The following VTI1A variants were observed in gnomAD, a reference collection of about 807,000 sequenced individuals.
The protein encoded by VTI1A is vesicle transport through interaction with t-SNAREs homolog 1A.
VTI1A carries 22 observed loss-of-function variants against 34.9 expected under a neutral mutation model. The ratio of observed to expected loss-of-function variants is 0.63; its 90% CI spans 0.45 to 0.90. VTI1A has a LOEUF of 0.90. VTI1A is among the 40% of genes least tolerant of loss of function. The pLI is 0.00. For synonymous variants in VTI1A, 87 were observed against 97.3 expected (o/e 0.89, Z 0.62); for missense variants, 268 against 275.6 (o/e 0.97, Z 0.20).
At position 112,518,573 on chromosome 10, in the gene VTI1A, CTCTCTCTCTCTCTCTCTA is replaced by C. The variant is rs1222623181; in HGVS notation, c.265-8512_265-8495del. ...TCTCTCTCTCTCTCTCTCTCTCTCT[CTCTCTCTCTCTCTCTCTA>C]TATATATATATATATATATATGTGT... is the stretch of plus-strand genomic sequence containing the variant. On this transcript the variant is annotated intron_variant, in intron 3 of 7. Coordinates refer to ENST00000393077, the MANE Select transcript of VTI1A (RefSeq NM_145206.4). 4.4e-3 allele frequency among the ~76,000 whole-genome samples: 530 copies of C among 120,368 alleles called. 2 individuals carry two copies. Among genetic ancestry groups the C allele is most frequent in the African/African-American group, 0.015 (479 of 32,086 alleles). The allele number at this position is 120,368 out of a possible 152,430, so 79.0% of individuals were successfully genotyped here. A position where few individuals can be genotyped will look rare whatever the true frequency, so the allele number is the denominator to read the frequency against.
chr10:112,717,027 T>A (rs542102019), intron 7 of VTI1A, among the ~76,000 whole-genome samples: 1 of 152,308 alleles, frequency 6.6e-6, no homozygotes, highest in Admixed American at 6.5e-5. Context: ...GTGCTTGCTA[T>A]GTAAACGCAG....
intron 3 of VTI1A, among the ~76,000 whole-genome samples, chr10:112,505,062 G>A (rs1031517924): frequency 4.0e-5 from 6 of 151,638 alleles, no homozygotes; most frequent in African/African-American, 1.5e-4. Flanking sequence ...AGTTTATTAT[G>A]TCTATTATTT....
At chr10:112,642,737 A>G (rs1460536956) in intron 5 of VTI1A, among the ~76,000 whole-genome samples, 1 of 152,100 alleles carries the variant, frequency 6.6e-6, no homozygotes, top group African/African-American at 2.4e-5. Flanking sequence ...GGAGACAGGC[A>G]TGACCCCAGT....
intron 5 of VTI1A, among the ~76,000 whole-genome samples, chr10:112,603,027 A>G (rs1474582046): frequency 1.3e-5 from 2 of 152,222 alleles, no homozygotes; most frequent in African/African-American, 4.8e-5. Flanking sequence ...TTTGTTGTTA[A>G]TAATACTTTA....
intron 1 of VTI1A, among the ~76,000 whole-genome samples, chr10:112,457,363 A>G (rs942924932): frequency 1.3e-5 from 2 of 152,246 alleles, no homozygotes; most frequent in Non-Finnish European, 2.9e-5. Flanking sequence ...TGCCAAGCTC[A>G]GTATAGTGTA....
At chr10:112,509,656 T>C (rs1379567881) in intron 3 of VTI1A, among the ~76,000 whole-genome samples, 2 of 152,148 alleles carry the variant, frequency 1.3e-5, no homozygotes, top group Non-Finnish European at 2.9e-5. Flanking sequence ...GAAAATTAGA[T>C]GGATGAAGAA....
At chr10:112,751,030 G>A (rs1164222407) in intron 7 of VTI1A, among the ~76,000 whole-genome samples, 1 of 152,164 alleles carries the variant, frequency 6.6e-6, no homozygotes, top group Non-Finnish European at 1.5e-5. Context: ...GTGTATGAAT[G>A]TGTGTTTTGT....
chr10:112,644,117 A>G (rs145942659), intron 5 of VTI1A, among the ~76,000 whole-genome samples: 1 of 152,320 alleles, frequency 6.6e-6, no homozygotes, highest in Non-Finnish European at 1.5e-5. Context: ...CTCTCTGCAA[A>G]GTGCACCTGG....
chr10:112,693,344 C>A (rs539674347), intron 7 of VTI1A, among the ~76,000 whole-genome samples: 1 of 152,174 alleles, frequency 6.6e-6, no homozygotes, highest in African/African-American at 2.4e-5. Context: ...GTCAGTAGTT[C>A]GAGACCAGCC....
At chr10:112,828,651 C>T in the VTI1A span, among the ~76,000 whole-genome samples, 7 of 151,822 alleles carry the variant, frequency 4.6e-5, no homozygotes, top group African/African-American at 9.7e-5. Flanking sequence ...ATGATCAACC[C>T]GCCTCAGCCT....
intron 5 of VTI1A, among the ~76,000 whole-genome samples, chr10:112,615,640 G>A (rs1845486429): frequency 6.6e-6 from 1 of 152,178 alleles, no homozygotes; most frequent in Non-Finnish European, 1.5e-5. Flanking sequence ...AAAGTCCAAA[G>A]GGCTGTTAAA....
chr10:112,825,400 A>C, the VTI1A span: 5 of 152,190 alleles, frequency 3.3e-5, no homozygotes, highest in African/African-American at 4.8e-5. Context: ...CCCATCCTGC[A>C]CTGGCAGCCC....
chr10:112,751,131 A>C (rs1851086832), intron 7 of VTI1A, among the ~76,000 whole-genome samples: 1 of 152,198 alleles, frequency 6.6e-6, no homozygotes, highest in Non-Finnish European at 1.5e-5. Context: ...ATAGTCCTGT[A>C]GAATAACGTC....
chr10:112,578,696 C>T (rs1843803864), intron 5 of VTI1A, among the ~76,000 whole-genome samples: 1 of 152,142 alleles, frequency 6.6e-6, no homozygotes, highest in South Asian at 2.1e-4. Flanking sequence ...TAAGTTAGCT[C>T]ACTTTTTGAA....
At chr10:112,543,384 A>G (rs1289469563) in intron 5 of VTI1A, among the ~76,000 whole-genome samples, 1 of 152,098 alleles carries the variant, frequency 6.6e-6, no homozygotes, top group Non-Finnish European at 1.5e-5. Flanking sequence ...CTGGTGTGAG[A>G]TGGTATCTCA....
chr10:112,830,849 A>ATATTTTTTT, the VTI1A span, among the ~76,000 whole-genome samples: 6 of 33,498 alleles, frequency 1.8e-4, no homozygotes, highest in South Asian at 3.2e-3. Flanking sequence ...ATATATATAT[A>ATATTTTTTT]TTTTTTTTTT....
At chr10:112,768,695 G>A (rs534378381) in intron 7 of VTI1A, among the ~76,000 whole-genome samples, 1 of 152,310 alleles carries the variant, frequency 6.6e-6, no homozygotes, top group East Asian at 1.9e-4. Context: ...GAGCAGGGGT[G>A]AGGGTGGGGA....
chr10:112,557,177 C>A (rs893113894), intron 5 of VTI1A, among the ~76,000 whole-genome samples: 6 of 151,896 alleles, frequency 4.0e-5, no homozygotes, highest in Non-Finnish European at 8.8e-5. Context: ...TTTACTTTCT[C>A]TTCTAGGATA....
intron 7 of VTI1A, among the ~76,000 whole-genome samples, chr10:112,748,089 A>G (rs1850966123): frequency 6.6e-6 from 1 of 152,098 alleles, no homozygotes; most frequent in African/African-American, 2.4e-5. Context: ...GACTTGCTAA[A>G]GGTCACTCAG....
Sources: allele counts gnomAD v4.1 joint callset (sites outside exome capture counted in the v4.1 genomes callset), GRCh38; gene constraint gnomAD v4.1.1; transcripts MANE v1.5; gene names NCBI Gene and HGNC (gene_info 2026-07-23, HGNC 2026-07-21).